CSMD1: variants seen among roughly 807,000 people sequenced by gnomAD.
The protein encoded by CSMD1 is CUB and Sushi multiple domains 1.
CSMD1 carries 213 observed loss-of-function variants against 417.5 expected under a neutral mutation model. That is an observed-to-expected ratio of 0.51 (90% CI 0.46 to 0.57). CSMD1 has a LOEUF of 0.57. CSMD1 is among the 20% of genes least tolerant of loss of function. The pLI is 0.00. For synonymous variants in CSMD1, 2,862 were observed against 1,736.8 expected (o/e 1.65, Z -16.11); for missense variants, 6,923 against 4,529.7 (o/e 1.53, Z -15.17).
chr8:4,329,875 G>C (rs202068899), intron 3 of CSMD1, among the ~76,000 whole-genome samples: 130 of 122,380 alleles, frequency 1.1e-3, no homozygotes, highest in African/African-American at 3.7e-3. Context: ...CACACACACA[G>C]ACACACACAC....
chr8:2,978,507 G>A (rs541132647), intron 55 of CSMD1, 105 bp downstream of exon 55: 1 of 871,048 alleles, frequency 1.1e-6, no homozygotes, highest in Non-Finnish European at 1.7e-6. Context: ...TGGGAGGACA[G>A]AAGGAATTAA....
chr8:3,531,834 G>C (rs932911883), intron 10 of CSMD1, among the ~76,000 whole-genome samples: 4 of 152,298 alleles, frequency 2.6e-5, no homozygotes, highest in Admixed American at 6.5e-5. Flanking sequence ...GTTGCACAGA[G>C]AGAAACGGCT....
intron 7 of CSMD1, among the ~76,000 whole-genome samples, chr8:3,651,922 C>T (rs570624584): frequency 2.6e-5 from 4 of 151,282 alleles, no homozygotes; most frequent in Admixed American, 6.6e-5. Context: ...ATCATCAGAG[C>T]ACCTACCACC....
chr8:4,478,449 A>T lies in CSMD1; in HGVS notation c.303-58384T>A, dbSNP rs186855073. Among the ~76,000 whole-genome samples, 977 of 152,300 alleles carry T rather than the reference A, an allele frequency of 6.4e-3. 6 individuals are homozygous for T. Among genetic ancestry groups the T allele is most frequent in the Non-Finnish European group, 7.1e-3 (486 of 68,020 alleles). On this transcript the variant is annotated intron_variant, in intron 2 of 69. Transcript: ENST00000635120. Reference sequence around the variant, plus strand: ...GTCAGTAAGTCACAAATGCCTTTAGATAAAAATTGAATCAATAGTTTCTTC... The same window carrying T: ...GTCAGTAAGTCACAAATGCCTTTAGTTAAAAATTGAATCAATAGTTTCTTC...
chr8:2,966,066 C>A, intron 58 of CSMD1, 112 bp from the exon 59 acceptor site: 1 of 940,782 alleles, frequency 1.1e-6, no homozygotes, highest in South Asian at 1.6e-5. Flanking sequence ...AGTGGTTAAG[C>A]AGTGAATTAA....
intron 3 of CSMD1, among the ~76,000 whole-genome samples, chr8:4,330,588 T>C (rs1406258265): frequency 1.4e-5 from 1 of 73,054 alleles, no homozygotes; most frequent in African/African-American, 3.6e-5. Flanking sequence ...AAACCCTGTC[T>C]CAAAAAAAAA....
chr8:4,955,410 G>C (rs933698531), intron 1 of CSMD1, among the ~76,000 whole-genome samples: 1 of 151,096 alleles, frequency 6.6e-6, no homozygotes, highest in African/African-American at 2.4e-5. Flanking sequence ...GATGCCTACT[G>C]TGTCTGTTTG....
chr8:3,769,735 A>C (rs1281054363), intron 5 of CSMD1, among the ~76,000 whole-genome samples: 2 of 152,160 alleles, frequency 1.3e-5, no homozygotes, highest in South Asian at 2.1e-4. Context: ...TTACTTATTT[A>C]ACCAATGTCC....
At chr8:4,215,494 G>A (rs1192496195) in intron 3 of CSMD1, among the ~76,000 whole-genome samples, 3 of 65,806 alleles carry the variant, frequency 4.6e-5, no homozygotes, top group African/African-American at 6.2e-5. Flanking sequence ...GGGGTTTTAT[G>A]AATACATAGA....
intron 1 of CSMD1, among the ~76,000 whole-genome samples, chr8:4,966,860 G>A (rs1809896397): frequency 6.6e-6 from 1 of 152,142 alleles, no homozygotes; most frequent in Admixed American, 6.6e-5. Context: ...AATTATGTAA[G>A]ATCATCTTTC....
At chr8:4,604,410 T>TGTGTGCGCCC (rs59349269) in intron 2 of CSMD1, among the ~76,000 whole-genome samples, 1 of 146,152 alleles carries the variant, frequency 6.8e-6, no homozygotes, top group Non-Finnish European at 1.5e-5. Flanking sequence ...TGTGTGTGTG[T>TGTGTGCGCCC]GCGCGTGCGT....
chr8:3,180,832 C>T (rs751046167), intron 37 of CSMD1, among the ~76,000 whole-genome samples: 6 of 151,720 alleles, frequency 4.0e-5, no homozygotes, highest in African/African-American at 9.7e-5. Context: ...TTAGTAGAGA[C>T]GGGGTTTCTC....
intron 3 of CSMD1, among the ~76,000 whole-genome samples, chr8:4,334,646 C>G (rs112205937): frequency 9.9e-5 from 15 of 152,094 alleles, no homozygotes; most frequent in African/African-American, 3.6e-4. Context: ...TAGCTTTATA[C>G]CTTCTATGGT....
intron 2 of CSMD1, among the ~76,000 whole-genome samples, chr8:4,570,877 A>G (rs1371983709): frequency 6.6e-6 from 1 of 152,100 alleles, no homozygotes. Context: ...TTGGGAGAGT[A>G]TGTGTACCCA....
intron 37 of CSMD1, 103 bp from the exon 38 acceptor site, chr8:3,162,380 G>C (rs1274482317): frequency 1.3e-6 from 1 of 742,600 alleles, no homozygotes; most frequent in East Asian, 2.7e-5. Flanking sequence ...CTGTAGAAAT[G>C]AACAAAGACT....
chr8:4,310,602 T>G (rs1263697980), intron 3 of CSMD1, among the ~76,000 whole-genome samples: 1 of 152,198 alleles, frequency 6.6e-6, no homozygotes, highest in Non-Finnish European at 1.5e-5. Flanking sequence ...CTCGATGATG[T>G]TAAATCAACA....
rs76386904 is a variant in CSMD1 at position 4,916,813 on chromosome 8, A to C, written c.85+77519T>G. Reference sequence around the variant, plus strand: ...GTAGGCTTTACTATATTAAAAGTAGATAATGCATTCAACAGAATCCCTGAG... The same window carrying C: ...GTAGGCTTTACTATATTAAAAGTAGCTAATGCATTCAACAGAATCCCTGAG... On this transcript the variant is annotated intron_variant, in intron 1 of 69. Transcript: ENST00000635120. 6.6e-3 allele frequency among the ~76,000 whole-genome samples: 1,002 copies of C among 152,370 alleles called. 8 individuals are homozygous for C. The highest frequency in any genetic ancestry group is 0.023 in the African/African-American group (961 of 41,594).
At chr8:4,538,499 T>C (rs941951088) in intron 2 of CSMD1, among the ~76,000 whole-genome samples, 2 of 151,958 alleles carry the variant, frequency 1.3e-5, no homozygotes, top group African/African-American at 4.8e-5. Context: ...AAAAATTAGC[T>C]GTGTGTGGTG....
intron 3 of CSMD1, among the ~76,000 whole-genome samples, chr8:4,217,259 G>A (rs1210288435): frequency 6.6e-6 from 1 of 152,180 alleles, no homozygotes; most frequent in Admixed American, 6.6e-5. Flanking sequence ...ATGGGATTTA[G>A]AATTTGCAGA....
Sources: gnomAD v4.1 joint callset for allele counts (sites outside exome capture counted in the v4.1 genomes callset) on GRCh38, gnomAD v4.1.1 for gene constraint, MANE v1.5 for transcripts, NCBI Gene and HGNC (gene_info 2026-07-23, HGNC 2026-07-21) for gene names.